Variants in CST8 observed in about 807,000 individuals in gnomAD.
CST8 encodes cystatin-8.
In CST8, 20 loss-of-function variants were observed where a neutral mutation model predicts 11.8. The ratio of observed to expected loss-of-function variants is 1.70; its 90% CI spans 1.20 to 2.47. The LOEUF (loss-of-function observed/expected upper bound fraction) is 2.47, where lower values mean the gene tolerates loss of function less well. CST8 is among the 30% of genes most tolerant of loss of function. The pLI, the probability that CST8 is intolerant of heterozygous loss-of-function variation, is 0.00. For missense variants in CST8, 196 were observed against 167.2 expected (o/e 1.17, Z -0.95); for synonymous variants, 77 against 63.1 (o/e 1.22, Z -1.05).
downstream of CST8, among the ~76,000 whole-genome samples, chr20:23,497,978 T>C (rs573352998): frequency 1.2e-4 from 18 of 151,824 alleles, no homozygotes; most frequent in Middle Eastern, 3.4e-3. Flanking sequence ...TGGGTGTACA[T>C]GTGTGTGCAT....
intron 2 of CST8, 29 bp from the exon 3 acceptor site, chr20:23,492,929 A>G: frequency 1.6e-6 from 2 of 1,240,652 alleles, no homozygotes; most frequent in Non-Finnish European, 2.4e-6. Context: ...AACTCTTTTG[A>G]ATAAAATTGC....
the CST8 span, among the ~76,000 whole-genome samples, chr20:23,503,043 G>A: frequency 0.09 from 13,663 of 151,988 alleles, 1,921 homozygotes; most frequent in African/African-American, 0.3. Context: ...AGTTTCCCAC[G>A]GCAGGTGTCT....
downstream of CST8, among the ~76,000 whole-genome samples, chr20:23,497,871 C>G (rs1339994079): frequency 6.6e-6 from 1 of 152,170 alleles, no homozygotes; most frequent in East Asian, 1.9e-4. Context: ...GATTTCAAAC[C>G]ATATCACTGT....
chr20:23,500,967 G>A (rs542174740), downstream of CST8, among the ~76,000 whole-genome samples: 9 of 152,322 alleles, frequency 5.9e-5, no homozygotes, highest in East Asian at 3.9e-4. Context: ...ATTTTGGAAC[G>A]TTACTTAACA....
At chr20:23,491,495 A>T (rs1987877126) in intron 1 of CST8, 30 bp from the exon 2 acceptor site, 1 of 615,260 alleles carries the variant, frequency 1.6e-6, no homozygotes, top group Non-Finnish European at 2.9e-6. Flanking sequence ...AACCCCAAAG[A>T]GTGACCCTAA....
In CST8 at chr20:23,491,536, C is replaced by T; in HGVS notation, c.-132C>T. 1.4e-6 allele frequency: 1 copy of T among 715,692 alleles called. No homozygotes were observed. The highest frequency in any genetic ancestry group is 2.5e-5 in the East Asian group (1 of 40,064). 44.3% of individuals were successfully genotyped at this position (715,692 alleles called of 1,614,324 possible). A position where few individuals can be genotyped will look rare whatever the true frequency, so the allele number is the denominator to read the frequency against. On this transcript the variant is annotated 5_prime_UTR_variant, in exon 2 of 4. Coordinates refer to ENST00000246012, the MANE Select transcript of CST8 (RefSeq NM_005492.4). ...TGTCTTGAATCCAGCTGGGCTGACGCTAACAGGAGGCAGTGTGTGGCTCGA... is the reference window on the plus strand; with the variant it reads ...TGTCTTGAATCCAGCTGGGCTGACGTTAACAGGAGGCAGTGTGTGGCTCGA...
the CST8 span, among the ~76,000 whole-genome samples, chr20:23,505,627 T>C: frequency 2.6e-5 from 4 of 152,198 alleles, no homozygotes; most frequent in Non-Finnish European, 5.9e-5. Context: ...CCACACATGG[T>C]CTGATTTGCC....
intron 3 of CST8, among the ~76,000 whole-genome samples, chr20:23,493,505 C>T (rs1987953817): frequency 1.3e-5 from 2 of 152,200 alleles, no homozygotes; most frequent in African/African-American, 4.8e-5. Context: ...CCAGGTGCTA[C>T]GTGCTTTGCA....
chr20:23,495,701 G>GCTCGAGAGTGGTGACC (rs1988021057), intron 3 of CST8, 130 bp from the exon 4 acceptor site: 1 of 676,930 alleles, frequency 1.5e-6, no homozygotes, highest in Non-Finnish European at 2.6e-6. Flanking sequence ...CTGGGAGCTC[G>GCTCGAGAGTGGTGACC]CTCGAGAGTG....
chr20:23,493,073 T>C lies in CST8; in HGVS notation c.345+2T>C. The stretch of plus-strand genomic sequence containing the variant: ...CAAGAAAACTCCAAGCTGAAAAGGG[T>C]AGGTGATGAACCACTCATCTGTGAC... On this transcript the variant is annotated splice_donor_variant, in intron 3 of 3. Transcript: ENST00000246012. LOFTEE classifies it high-confidence loss of function. 2 of 1,560,746 alleles carry C rather than the reference T, an allele frequency of 1.3e-6. No homozygotes were observed. Among genetic ancestry groups the C allele is most frequent in the African/African-American group, 1.4e-5 (1 of 73,840 alleles).
the CST8 span, among the ~76,000 whole-genome samples, chr20:23,502,019 A>G: frequency 1.3e-5 from 2 of 152,194 alleles, no homozygotes; most frequent in African/African-American, 2.4e-5. Flanking sequence ...TGAAGCTGAT[A>G]AAACTCCAAA....
the CST8 span, among the ~76,000 whole-genome samples, chr20:23,505,800 C>T: frequency 3.2e-4 from 48 of 152,212 alleles, no homozygotes; most frequent in Admixed American, 5.9e-4. Flanking sequence ...CCATCCTGGA[C>T]GCACTGACTC....
chr20:23,491,611 G>T lies in CST8; in HGVS notation c.-57G>T. 3 of 1,403,126 alleles carry T rather than the reference G, an allele frequency of 2.1e-6. No individual in the cohort carries two copies. Among genetic ancestry groups the T allele is most frequent in the Middle Eastern group, 2.2e-4 (1 of 4,514 alleles). The allele number at this position is 1,403,126 out of a possible 1,614,324, so 86.9% of individuals were successfully genotyped here. A position where few individuals can be genotyped will look rare whatever the true frequency, so the allele number is the denominator to read the frequency against. ...CTGCGGCCACCCCATCCTGCCCACA[G>T]CTCCAGCCCTGAGACGACGAGGAGG... is the stretch of plus-strand genomic sequence containing the variant. On this transcript the variant is annotated 5_prime_UTR_variant, in exon 2 of 4. Transcript: ENST00000246012.
downstream of CST8, among the ~76,000 whole-genome samples, chr20:23,498,051 G>A (rs1401581385): frequency 1.3e-5 from 2 of 151,728 alleles, no homozygotes; most frequent in African/African-American, 2.4e-5. Context: ...AGAGGGAAGA[G>A]GGAGAGAGGG....
At chr20:23,493,160 C>A in intron 3 of CST8, 89 bp downstream of exon 3, 1 of 838,712 alleles carries the variant, frequency 1.2e-6, no homozygotes, top group Non-Finnish European at 2.0e-6. Flanking sequence ...TCTTTGAGGT[C>A]TGGGTGGCTC....
At position 23,493,071 on chromosome 20, in the gene CST8, G is replaced by A. The variant is rs1187885461; in HGVS notation, c.345G>A (p.Arg115=). 4 of 1,571,222 alleles carry A rather than the reference G, an allele frequency of 2.5e-6. No homozygotes were observed. Among genetic ancestry groups the A allele is most frequent in the South Asian group, 1.1e-5 (1 of 90,212 alleles). Residue 115 remains arginine (R), a splice_region_variant and synonymous_variant, in exon 3 of 4, where the codon AGG becomes AGA. Transcript: ENST00000246012. ...CAIQENSKLK[R]KLSCSFLVGA... ...TTCAAGAAAACTCCAAGCTGAAAAGGGTAGGTGATGAACCACTCATCTGTG... is the reference window on the plus strand; with the variant it reads ...TTCAAGAAAACTCCAAGCTGAAAAGAGTAGGTGATGAACCACTCATCTGTG...
chr20:23,501,915 G>C, the CST8 span, among the ~76,000 whole-genome samples: 1 of 152,166 alleles, frequency 6.6e-6, no homozygotes, highest in Admixed American at 6.5e-5. Flanking sequence ...GCTGCTGGGG[G>C]CACCTTCTGT....
chr20:23,499,760 A>G (rs1180581337), downstream of CST8, among the ~76,000 whole-genome samples: 2 of 152,234 alleles, frequency 1.3e-5, no homozygotes, highest in African/African-American at 4.8e-5. Flanking sequence ...GAGAACAAGC[A>G]GGAATTCAGC....
downstream of CST8, among the ~76,000 whole-genome samples, chr20:23,496,552 G>C (rs150135740): frequency 0.013 from 2,049 of 152,316 alleles, 32 homozygotes; most frequent in African/African-American, 0.045. Flanking sequence ...AATTAAAATT[G>C]CTAATGAAGT....
Sources: gnomAD v4.1 joint callset for allele counts (sites outside exome capture counted in the v4.1 genomes callset) on GRCh38, gnomAD v4.1.1 for gene constraint, MANE v1.5 for transcripts, NCBI Gene and HGNC (gene_info 2026-07-23, HGNC 2026-07-21) for gene names.